TENT2: variants seen among roughly 807,000 people sequenced by gnomAD.
TENT2 encodes the protein poly(A) RNA polymerase GLD2.
TENT2 carries 44 observed loss-of-function variants against 72.2 expected under a neutral mutation model. The ratio of observed to expected loss-of-function variants is 0.61; its 90% CI spans 0.48 to 0.78. TENT2 has a LOEUF of 0.78. Among genes scored for constraint, TENT2 ranks in the 30% least tolerant of loss-of-function variants. The pLI is 0.00. For missense variants in TENT2, 541 were observed against 569.6 expected, an observed-to-expected ratio of 0.95 and a Z score of 0.51; for synonymous variants, 212 against 192.5, an observed-to-expected ratio of 1.10 and a Z score of -0.84.
At chr5:79,629,670 A>T (rs1042621751) in intron 4 of TENT2, among the ~76,000 whole-genome samples, 2 of 151,668 alleles carry the variant, frequency 1.3e-5, no homozygotes, top group Admixed American at 1.3e-4. Context: ...TACTAAAAAT[A>T]CAAAAAATTA....
At chr5:79,681,892 T>G in intron 13 of TENT2, 90 bp from the exon 14 acceptor site, 1 of 1,052,682 alleles carries the variant, frequency 9.5e-7, no homozygotes. Flanking sequence ...GGTTAAAAAC[T>G]GTTAACATAT....
At chr5:79,629,434 T>TA (rs1300306499) in intron 4 of TENT2, among the ~76,000 whole-genome samples, 3 of 152,212 alleles carry the variant, frequency 2.0e-5, no homozygotes. Context: ...AGCATTCAAA[T>TA]ATTTGTGAGC....
At position 79,668,988 on chromosome 5, in the gene TENT2, C is replaced by G. The variant is rs1436965549; in HGVS notation, c.1168C>G (p.Leu390Val). Residue 390 changes from leucine to valine, a missense_variant, in exon 12 of 15, where the codon CTC becomes GTC. Physicochemically the swap from Leu to Val is conservative, Grantham distance 32. Coordinates refer to ENST00000453514, the MANE Select transcript of TENT2 (RefSeq NM_001114394.3). ...LSKNESNLGD[L>V]LLGFLKYYAT... ...AAAGAATGAATCAAACCTTGGGGAC[C>G]TCTTACTGGGCTTTCTTAAATATTA... 1 of 1,613,732 alleles carries G rather than the reference C, an allele frequency of 6.2e-7. No individual in the cohort carries two copies. Among genetic ancestry groups the G allele is most frequent in the Non-Finnish European group, 8.5e-7 (1 of 1,179,814 alleles).
intron 4 of TENT2, among the ~76,000 whole-genome samples, chr5:79,640,486 ATTTT>A (rs1349754158): frequency 6.6e-6 from 1 of 152,148 alleles, no homozygotes; most frequent in Non-Finnish European, 1.5e-5. Flanking sequence ...TTTGTTGCAT[ATTTT>A]TATTTGTTTG....
intron 11 of TENT2, among the ~76,000 whole-genome samples, chr5:79,659,576 A>T (rs183236349): frequency 5.2e-5 from 6 of 115,512 alleles, no homozygotes; most frequent in Non-Finnish European, 7.1e-5. Flanking sequence ...ATATATATAT[A>T]TATATATATA....
intron 4 of TENT2, among the ~76,000 whole-genome samples, chr5:79,639,597 A>G (rs1330913895): frequency 6.6e-6 from 1 of 152,036 alleles, no homozygotes; most frequent in Non-Finnish European, 1.5e-5. Context: ...ACTGTGTAGT[A>G]TAGACTGCAT....
At position 79,643,040 on chromosome 5, in the gene TENT2, A is replaced by T. The variant is rs987228315; in HGVS notation, c.751+130A>T. On this transcript the variant is annotated intron_variant, in intron 7 of 14. Coordinates refer to ENST00000453514, the MANE Select transcript of TENT2 (RefSeq NM_001114394.3). ...GTATAATATGAATTCTTTTTTCCAA[A>T]TGAATTTCTTTTAACTTTTGATGAA... is the stretch of plus-strand genomic sequence containing the variant. 2.5e-6 allele frequency: 3 copies of T among 1,200,050 alleles called. No individual in the cohort carries two copies. In the African/African-American group the frequency reaches 4.7e-5, roughly 19 times the overall value. The allele number at this position is 1,200,050 out of a possible 1,614,324, so 74.3% of individuals were successfully genotyped here. A position where few individuals can be genotyped will look rare whatever the true frequency, so the allele number is the denominator to read the frequency against.
chr5:79,618,815 T>A (rs1003485742), intron 1 of TENT2, among the ~76,000 whole-genome samples: 1 of 152,208 alleles, frequency 6.6e-6, no homozygotes, highest in African/African-American at 2.4e-5. Flanking sequence ...CCAAGTATTA[T>A]TATGTTCTCT....
rs771407882 is a variant in TENT2, at chr5:79,619,776, A to G, written c.128A>G (p.Gln43Arg). ...CTTATAGATGCACAATTCAACTTTCAGAATGCAGAGTGAGTATGGTGATAT... is the reference window on the plus strand; with the variant it reads ...CTTATAGATGCACAATTCAACTTTCGGAATGCAGAGTGAGTATGGTGATAT... ...QQLIDAQFNF[Q>R]NADLSRAVSL... The change falls in exon 2 of 15, where the codon CAG becomes CGG. Residue 43 changes from glutamine (Q) to arginine (R), a missense_variant. Transcript: ENST00000453514. 3.1e-6 allele frequency: 5 copies of G among 1,612,820 alleles called. No individual in the cohort carries two copies. The African/African-American group carries it at 6.7e-5, about 22-fold the overall frequency.
chr5:79,638,392 T>G (rs892401724), intron 4 of TENT2, among the ~76,000 whole-genome samples: 2 of 152,184 alleles, frequency 1.3e-5, no homozygotes, highest in Non-Finnish European at 2.9e-5. Context: ...ACACCTTTCC[T>G]TTTCTCCTGA....
chr5:79,625,752 A>G (rs1309463024), intron 4 of TENT2, among the ~76,000 whole-genome samples: 1 of 152,024 alleles, frequency 6.6e-6, no homozygotes, highest in Admixed American at 6.6e-5. Context: ...AAATAGGAAA[A>G]ACAATCAGGC....
At chr5:79,627,164 G>A (rs1361003037) in intron 4 of TENT2, among the ~76,000 whole-genome samples, 1 of 151,244 alleles carries the variant, frequency 6.6e-6, no homozygotes, top group Non-Finnish European at 1.5e-5. Context: ...GTTTTTTTAA[G>A]GTATGTATGC....
At position 79,685,263 on chromosome 5, in the gene TENT2, T is replaced by C; in HGVS notation, c.1445T>C (p.Leu482Pro). ...ATACTACCTGTAAGAGCTGCTGTCC[T>C]GAAAAGATAACTGGCCTCTATTTCT... The part of the protein sequence containing the change: ...NSILPVRAAV[L>P]KR The change falls in exon 15 of 15, where the codon CTG (leucine) becomes CCG (proline). Residue 482 changes from leucine to proline, a missense_variant. By Grantham distance (98) the Leu-to-Pro change is moderately conservative (BLOSUM62 -3). Coordinates refer to ENST00000453514, the MANE Select transcript of TENT2 (RefSeq NM_001114394.3). 6 of 1,594,504 alleles carry C rather than the reference T, an allele frequency of 3.8e-6. No individual in the cohort carries two copies. The highest frequency in any genetic ancestry group is 5.1e-6 in the Non-Finnish European group (6 of 1,172,282).
At chr5:79,673,117 T>G (rs1319207798) in intron 12 of TENT2, among the ~76,000 whole-genome samples, 3 of 152,232 alleles carry the variant, frequency 2.0e-5, no homozygotes, top group African/African-American at 7.2e-5. Context: ...TGTTGAGATC[T>G]TCTGTCCGTG....
At chr5:79,622,888 A>G (rs1398288397) in intron 3 of TENT2, among the ~76,000 whole-genome samples, 1 of 152,162 alleles carries the variant, frequency 6.6e-6, no homozygotes, top group African/African-American at 2.4e-5. Context: ...CACTCAGCTC[A>G]CTTAATCGTA....
In TENT2 at chr5:79,685,331, A is replaced by T; in HGVS notation, c.*58A>T. The T allele has an allele frequency of 7.8e-7, 1 of 1,281,392 alleles. No homozygotes were observed. The highest frequency in any genetic ancestry group is 1.3e-5 in the South Asian group (1 of 74,100). 79.4% of individuals were successfully genotyped at this position (1,281,392 alleles called of 1,614,324 possible). A position where few individuals can be genotyped will look rare whatever the true frequency, so the allele number is the denominator to read the frequency against. On this transcript the variant is annotated 3_prime_UTR_variant, in exon 15 of 15. Coordinates refer to ENST00000453514, the MANE Select transcript of TENT2 (RefSeq NM_001114394.3). ...AAATAAAGAACAATAGTTTCATCAT[A>T]ATACATTATGTTTACCTCCATCATA...
rs1416813641 is a variant in TENT2 at position 79,687,020 on chromosome 5, C to G, written c.*1747C>G. Among the ~76,000 whole-genome samples, 1 of 152,128 alleles carries G rather than the reference C, an allele frequency of 6.6e-6. No homozygotes were observed. The highest frequency in any genetic ancestry group is 1.9e-4 in the East Asian group (1 of 5,198). On this transcript the variant is annotated 3_prime_UTR_variant, in exon 15 of 15. Transcript: ENST00000453514. ...TTTCAGGGATGGGTAAGTATGTACCCTCTGCCTCTACAGTATTATGACATT... is the reference window on the plus strand; with the variant it reads ...TTTCAGGGATGGGTAAGTATGTACCGTCTGCCTCTACAGTATTATGACATT...
rs561462007 is a variant in TENT2 at position 79,685,964 on chromosome 5, C to G, written c.*691C>G. On this transcript the variant is annotated 3_prime_UTR_variant, in exon 15 of 15. Transcript: ENST00000453514. ...GTAGTAATGGGAGCACTAACTCTTACAACAGTTAGTGAATCGTTTTAAAGA... is the reference window on the plus strand; with the variant it reads ...GTAGTAATGGGAGCACTAACTCTTAGAACAGTTAGTGAATCGTTTTAAAGA... The G allele has an allele frequency of 6.6e-6, 1 of 152,592 alleles. No individual in the cohort carries two copies. Among genetic ancestry groups the G allele is most frequent in the East Asian group, 1.9e-4 (1 of 5,202 alleles). The allele number at this position is 152,592 out of a possible 1,614,324, so 9.5% of individuals were successfully genotyped here.
In TENT2 at chr5:79,687,898, G is replaced by A. The variant is rs1826535130; in HGVS notation, c.*2625G>A. Among the ~76,000 whole-genome samples the A allele has an allele frequency of 6.6e-6, 1 of 152,202 alleles. No homozygotes were observed. Among genetic ancestry groups the A allele is most frequent in the Non-Finnish European group, 1.5e-5 (1 of 68,030 alleles). ...ATGGCTACCTGTGATTTTGATTAGT[G>A]TTTAACAGATTGCCACAGCTGTGAT... On this transcript the variant is annotated 3_prime_UTR_variant, in exon 15 of 15. Transcript: ENST00000453514.
Sources: gnomAD v4.1 joint callset for allele counts (sites outside exome capture counted in the v4.1 genomes callset) on GRCh38, gnomAD v4.1.1 for gene constraint, MANE v1.5 for transcripts, NCBI Gene and HGNC (gene_info 2026-07-23, HGNC 2026-07-21) for gene names.